The following DPP10 variants were observed in gnomAD, a reference collection of about 807,000 sequenced individuals.
DPP10 encodes the protein inactive dipeptidyl peptidase 10.
Under a neutral mutation model 120.9 loss-of-function variants are expected in DPP10, and 33 were observed. That is an observed-to-expected ratio of 0.27 (90% confidence interval 0.21 to 0.37). The LOEUF is 0.37. DPP10 is among the 10% of genes least tolerant of loss of function. The pLI, the probability that DPP10 is intolerant of heterozygous loss-of-function variation, is 1.00. For synonymous variants in DPP10, 337 were observed against 326.1 expected, an observed-to-expected ratio of 1.03 and a Z score of -0.36; for missense variants, 816 against 942.8, an observed-to-expected ratio of 0.87 and a Z score of 1.76.
At chr2:115,266,902 G>T (rs141223738) in intron 1 of DPP10, among the ~76,000 whole-genome samples, 2 of 152,004 alleles carry the variant, frequency 1.3e-5, no homozygotes, top group Non-Finnish European at 2.9e-5. Context: ...TATTCATTTT[G>T]GGGGGGAGAA....
At chr2:114,606,259 T>C (rs1248062918) in intron 1 of DPP10, among the ~76,000 whole-genome samples, 1 of 152,180 alleles carries the variant, frequency 6.6e-6, no homozygotes, top group Non-Finnish European at 1.5e-5. Flanking sequence ...TTGTTTCTAT[T>C]TTATGCCTGC....
chr2:115,093,641 TA>T (rs36109037), intron 1 of DPP10, among the ~76,000 whole-genome samples: 1 of 152,094 alleles, frequency 6.6e-6, no homozygotes, highest in East Asian at 1.9e-4. Flanking sequence ...TGTAATAAGT[TA>T]AAAAGTTTTT....
intron 1 of DPP10, among the ~76,000 whole-genome samples, chr2:114,591,665 C>CT (rs1194480698): frequency 1.3e-5 from 2 of 150,672 alleles, no homozygotes; most frequent in Non-Finnish European, 2.9e-5. Flanking sequence ...AGTGATTCTC[C>CT]TGCCTTAGCC....
chr2:115,587,366 C>T lies in DPP10; in HGVS notation c.441+61394C>T, dbSNP rs190211824. Among the ~76,000 whole-genome samples the T allele has an allele frequency of 9.2e-5, 14 of 152,108 alleles. No homozygotes were observed. In the East Asian group the frequency reaches 1.9e-3, roughly 21 times the overall value. On this transcript the variant is annotated intron_variant, in intron 5 of 25. Transcript: ENST00000410059. The stretch of plus-strand genomic sequence containing the variant: ...GCCCGCCTCGGCCTCCCAAAGTGAA[C>T]ATTGTCCTTTTTCCTACTCCTTAGC...
chr2:114,997,395 G>A (rs1701160165), intron 1 of DPP10, among the ~76,000 whole-genome samples: 1 of 151,314 alleles, frequency 6.6e-6, no homozygotes, highest in Non-Finnish European at 1.5e-5. Flanking sequence ...GGGAGTCTGA[G>A]GCAGAAGGAT....
chr2:114,534,308 G>A (rs1435095106), intron 1 of DPP10, among the ~76,000 whole-genome samples: 2 of 151,920 alleles, frequency 1.3e-5, no homozygotes, highest in Non-Finnish European at 2.9e-5. Flanking sequence ...TTTGTCCTTT[G>A]GGTCTCTGTA....
intron 3 of DPP10, among the ~76,000 whole-genome samples, chr2:115,457,909 G>A (rs936461531): frequency 6.6e-6 from 1 of 151,946 alleles, no homozygotes; most frequent in Non-Finnish European, 1.5e-5. Flanking sequence ...AAACAATACA[G>A]AATTCTATTA....
chr2:114,698,705 A>G (rs1488550283), intron 1 of DPP10, among the ~76,000 whole-genome samples: 3 of 152,068 alleles, frequency 2.0e-5, no homozygotes, highest in Non-Finnish European at 4.4e-5. Flanking sequence ...AGTTGAGAAC[A>G]AGGCCCTTAG....
At position 115,802,590 on chromosome 2, in the gene DPP10, A is replaced by C. The variant is rs11903781; in HGVS notation, c.1700+11234A>C. On this transcript the variant is annotated intron_variant, in intron 19 of 25. Transcript: ENST00000410059. ...TTTAGTGCTATAAATTTCCCTCTACACACTGCTTTGAATGTGTCCCAGAGA... is the reference window on the plus strand; with the variant it reads ...TTTAGTGCTATAAATTTCCCTCTACCCACTGCTTTGAATGTGTCCCAGAGA... Among the ~76,000 whole-genome samples, 100 of 152,310 alleles carry C rather than the reference A, an allele frequency of 6.6e-4. 2 individuals are homozygous for C. Among genetic ancestry groups the C allele is most frequent in the African/African-American group, 2.3e-3 (94 of 41,560 alleles).
chr2:114,955,509 C>T (rs1329298485), intron 1 of DPP10, among the ~76,000 whole-genome samples: 1 of 152,152 alleles, frequency 6.6e-6, no homozygotes, highest in Non-Finnish European at 1.5e-5. Flanking sequence ...CGAATTCTAC[C>T]AAACATTTAA....
At chr2:115,441,624 T>C (rs111390827) in intron 3 of DPP10, among the ~76,000 whole-genome samples, 3 of 152,260 alleles carry the variant, frequency 2.0e-5, no homozygotes, top group African/African-American at 7.2e-5. Flanking sequence ...TAGTCTATGT[T>C]AGACTATTGA....
chr2:114,807,823 T>C (rs911445223), intron 1 of DPP10, among the ~76,000 whole-genome samples: 2 of 152,308 alleles, frequency 1.3e-5, no homozygotes, highest in South Asian at 4.2e-4. Context: ...TGGAGATTTG[T>C]CTCTGCTTCA....
intron 1 of DPP10, among the ~76,000 whole-genome samples, chr2:114,489,189 T>C (rs1052425829): frequency 6.6e-6 from 1 of 152,258 alleles, no homozygotes; most frequent in African/African-American, 2.4e-5. Context: ...ATTCCTGCTG[T>C]ATCTTTTTCC....
At chr2:115,664,566 TTC>T (rs754695279) in intron 5 of DPP10, among the ~76,000 whole-genome samples, 20 of 152,150 alleles carry the variant, frequency 1.3e-4, no homozygotes, top group Non-Finnish European at 2.6e-4. Context: ...TACTGGGGAT[TTC>T]TCTGTCAAGC....
intron 1 of DPP10, among the ~76,000 whole-genome samples, chr2:114,843,895 G>T (rs556418954): frequency 8.5e-5 from 13 of 152,148 alleles, no homozygotes; most frequent in East Asian, 7.7e-4. Context: ...TAAATTTGTT[G>T]TTCTTAAAAG....
chr2:115,452,234 G>A (rs1182883507), intron 3 of DPP10, among the ~76,000 whole-genome samples: 1 of 151,892 alleles, frequency 6.6e-6, no homozygotes, highest in Admixed American at 6.6e-5. Context: ...AATCCTAAGA[G>A]GGCTATTACA....
chr2:115,508,758 C>G (rs560786600), intron 4 of DPP10, among the ~76,000 whole-genome samples: 146 of 152,236 alleles, frequency 9.6e-4, no homozygotes, highest in African/African-American at 3.3e-3. Context: ...CAAAAATTAG[C>G]TGAGTGTGGT....
intron 1 of DPP10, among the ~76,000 whole-genome samples, chr2:115,235,261 G>A (rs1487971350): frequency 1.3e-5 from 2 of 152,180 alleles, no homozygotes; most frequent in Non-Finnish European, 2.9e-5. Context: ...TACCAAGGGA[G>A]TGGGACAATA....
chr2:115,290,396 A>T (rs932551146), intron 1 of DPP10, among the ~76,000 whole-genome samples: 6 of 152,144 alleles, frequency 3.9e-5, no homozygotes, highest in African/African-American at 1.4e-4. Flanking sequence ...AGAGGTATAC[A>T]TATGTGGATA....
Sources: gnomAD v4.1 joint callset for allele counts (sites outside exome capture counted in the v4.1 genomes callset) on GRCh38, gnomAD v4.1.1 for gene constraint, MANE v1.5 for transcripts, NCBI Gene and HGNC (gene_info 2026-07-23, HGNC 2026-07-21) for gene names.